Variants in VIT observed in about 807,000 individuals in gnomAD.
VIT encodes the protein vitrin.
A neutral mutation model predicts 78.0 loss-of-function variants in VIT; 99 were observed. That is an observed-to-expected ratio of 1.27 (90% CI 1.08 to 1.50). The LOEUF (loss-of-function observed/expected upper bound fraction) is 1.50, where lower values mean the gene tolerates loss of function less well. VIT is among the 40% of genes most tolerant of loss of function. The probability of loss-of-function intolerance (pLI) is 0.00; values close to 1 mark genes in which losing one functional copy is unlikely to be tolerated. For synonymous variants in VIT, 374 were observed against 334.3 expected, an observed-to-expected ratio of 1.12 and a Z score of -1.29; for missense variants, 1,126 against 875.3, an observed-to-expected ratio of 1.29 and a Z score of -3.61.
intron 7 of VIT, among the ~76,000 whole-genome samples, chr2:36,771,425 C>T (rs192832710): frequency 1.3e-5 from 2 of 151,596 alleles, no homozygotes; most frequent in Non-Finnish European, 2.9e-5. Flanking sequence ...ACTCAGGAGG[C>T]TGAGCCAGGA....
intron 6 of VIT, among the ~76,000 whole-genome samples, chr2:36,766,250 C>T (rs547569229): frequency 3.9e-5 from 6 of 152,252 alleles, no homozygotes; most frequent in African/African-American, 1.2e-4. Flanking sequence ...GAATCTAGGC[C>T]GAGCACAGTG....
At chr2:36,731,553 G>A (rs1440030349) in intron 3 of VIT, among the ~76,000 whole-genome samples, 5 of 152,120 alleles carry the variant, frequency 3.3e-5, no homozygotes, top group Admixed American at 2.6e-4. Context: ...GATTACAGGC[G>A]TGAGCCACCG....
chr2:36,782,063 C>T (rs1359469276), intron 10 of VIT, among the ~76,000 whole-genome samples: 1 of 152,228 alleles, frequency 6.6e-6, no homozygotes, highest in African/African-American at 2.4e-5. Flanking sequence ...GACCCTGACT[C>T]TATCTGGCAG....
chr2:36,767,101 C>T lies in VIT; in HGVS notation c.495C>T (p.Thr165=). The T allele has an allele frequency of 1.3e-6, 2 of 1,595,512 alleles. No homozygotes were observed. Among genetic ancestry groups the T allele is most frequent in the South Asian group, 1.1e-5 (1 of 87,960 alleles). The change falls in exon 7 of 16, where the codon ACC becomes ACT. Residue 165 remains threonine (T), a synonymous_variant. Transcript: ENST00000379242. ...AATTCCATTTTCTTACAGGTGAGAC[C>T]ACAAAAGCCTATCAGAGGCCACCTA... ...SKSPAAQAGE[T]TKAYQRPPIP... is the part of the protein sequence containing the mutation.
intron 15 of VIT, among the ~76,000 whole-genome samples, chr2:36,812,863 T>TC (rs1396988829): frequency 1.1e-4 from 2 of 18,158 alleles, no homozygotes; most frequent in African/African-American, 2.4e-4. Context: ...TTCTTCTTCT[T>TC]TTTTTTTTTT....
chr2:36,727,166 C>T (rs1216906840), intron 2 of VIT, among the ~76,000 whole-genome samples: 1 of 152,042 alleles, frequency 6.6e-6, no homozygotes, highest in South Asian at 2.1e-4. Context: ...ACTTCTCAGA[C>T]ATTGTGATGA....
chr2:36,791,185 A>G (rs1665475886), intron 12 of VIT, among the ~76,000 whole-genome samples: 1 of 152,180 alleles, frequency 6.6e-6, no homozygotes, highest in East Asian at 1.9e-4. Flanking sequence ...ATGAGTCTAT[A>G]ATAGCTGTCC....
chr2:36,770,026 T>C (rs1389712383), intron 7 of VIT, among the ~76,000 whole-genome samples: 1 of 152,246 alleles, frequency 6.6e-6, no homozygotes, highest in Non-Finnish European at 1.5e-5. Context: ...GATAGACAAG[T>C]GAGCTGCTGT....
intron 7 of VIT, among the ~76,000 whole-genome samples, chr2:36,770,608 G>C (rs1669687314): frequency 6.6e-6 from 1 of 152,200 alleles, no homozygotes; most frequent in Non-Finnish European, 1.5e-5. Context: ...GAAGGAGGCT[G>C]TTCTTCATGG....
At chr2:36,737,330 A>T (rs893598427) in intron 3 of VIT, among the ~76,000 whole-genome samples, 1 of 152,208 alleles carries the variant, frequency 6.6e-6, no homozygotes, top group African/African-American at 2.4e-5. Flanking sequence ...ATTAGGACCC[A>T]CCAGGCAACA....
chr2:36,797,539 T>A (rs1372612346), intron 12 of VIT, among the ~76,000 whole-genome samples: 1 of 152,060 alleles, frequency 6.6e-6, no homozygotes, highest in Non-Finnish European at 1.5e-5. Context: ...GGGAGATGGG[T>A]GGTTGGGTGG....
intron 2 of VIT, among the ~76,000 whole-genome samples, chr2:36,719,739 G>C (rs1306945279): frequency 1.3e-5 from 2 of 152,202 alleles, no homozygotes; most frequent in African/African-American, 2.4e-5. Context: ...AGGAGTTTGA[G>C]ACCAGCTTGC....
intron 13 of VIT, among the ~76,000 whole-genome samples, chr2:36,802,253 T>C (rs1194396748): frequency 1.3e-5 from 2 of 152,138 alleles, no homozygotes; most frequent in Admixed American, 6.5e-5. Flanking sequence ...TCAAAGACTG[T>C]CAAAGAGCCC....
chr2:36,702,808 C>G (rs1195394223), intron 1 of VIT, among the ~76,000 whole-genome samples: 1 of 152,186 alleles, frequency 6.6e-6, no homozygotes, highest in Non-Finnish European at 1.5e-5. Context: ...TGAAGATACC[C>G]TCCCCTACTG....
chr2:36,743,510 T>C (rs2148517955), intron 4 of VIT, among the ~76,000 whole-genome samples: 1 of 152,364 alleles, frequency 6.6e-6, no homozygotes, highest in South Asian at 2.1e-4. Context: ...CAAGTCTGTA[T>C]TCATTTTTTA....
intron 1 of VIT, among the ~76,000 whole-genome samples, chr2:36,711,756 T>TA (rs2148436748): frequency 6.6e-6 from 1 of 152,292 alleles, no homozygotes; most frequent in African/African-American, 2.4e-5. Context: ...TATATAAATA[T>TA]AAAGCAATAT....
chr2:36,702,776 T>C (rs971399207), intron 1 of VIT, among the ~76,000 whole-genome samples: 5 of 152,178 alleles, frequency 3.3e-5, no homozygotes, highest in Admixed American at 2.0e-4. Context: ...CTTGTTCCCA[T>C]AGGGCATGTC....
Position 36,814,323 on chromosome 2 carries a change from A to G in VIT, c.2044A>G (p.Asn682Asp), listed in dbSNP as rs774124560. The G allele has an allele frequency of 2.5e-6, 4 of 1,614,108 alleles. No individual in the cohort carries two copies. Among genetic ancestry groups the G allele is most frequent in the Non-Finnish European group, 3.4e-6 (4 of 1,180,052 alleles). The stretch of plus-strand genomic sequence containing the variant: ...TCAGTATGTCCCCAGGATCATCCAG[A>G]ACATTTGTACAGAGTTCAACTCACA... Reference protein sequence around the residue: ...LHQYVPRIIQNICTEFNSQPR... With the variant: ...LHQYVPRIIQDICTEFNSQPR... The change falls in exon 16 of 16, where the codon AAC becomes GAC. Residue 682 changes from asparagine to aspartate, a missense_variant. Coordinates refer to ENST00000379242, the MANE Select transcript of VIT (RefSeq NM_053276.4).
At chr2:36,699,000 T>TAAA (rs67982972) in intron 1 of VIT, among the ~76,000 whole-genome samples, 7 of 148,960 alleles carry the variant, frequency 4.7e-5, no homozygotes, top group Admixed American at 1.3e-4. Context: ...CCCCACATAT[T>TAAA]AAAAAAAAAA....
Sources: allele counts gnomAD v4.1 joint callset (sites outside exome capture counted in the v4.1 genomes callset), GRCh38; gene constraint gnomAD v4.1.1; transcripts MANE v1.5; gene names NCBI Gene and HGNC (gene_info 2026-07-23, HGNC 2026-07-21).